The following CLCC1 variants were observed in gnomAD, a reference collection of about 807,000 sequenced individuals.
CLCC1 encodes chloride channel CLIC-like protein 1.
In CLCC1, 39 loss-of-function variants were observed where a neutral mutation model predicts 63.3. The ratio of observed to expected loss-of-function variants is 0.62; its 90% CI spans 0.48 to 0.81. The LOEUF (loss-of-function observed/expected upper bound fraction) is 0.81, where lower values mean the gene tolerates loss of function less well. CLCC1 is among the 30% of genes least tolerant of loss of function. CLCC1 has a pLI of 0.00. For synonymous variants in CLCC1, 217 were observed against 239.8 expected (o/e 0.90, Z 0.88); for missense variants, 549 against 669.4 (o/e 0.82, Z 1.98).
intron 2 of CLCC1, among the ~76,000 whole-genome samples, chr1:108,959,446 C>G (rs1240892137): frequency 6.6e-6 from 1 of 152,050 alleles, no homozygotes; most frequent in East Asian, 1.9e-4. Context: ...TGAAATTGTA[C>G]AGGAGGAGAA....
At chr1:108,949,724 G>A (rs896731807) in intron 4 of CLCC1, 96 bp downstream of exon 4, 116 of 661,138 alleles carry the variant, frequency 1.8e-4, no homozygotes, top group Middle Eastern at 4.3e-4. Flanking sequence ...TACGGTACAC[G>A]GAAACACTAG....
chr1:108,944,775 G>A (rs1028875309), intron 5 of CLCC1, among the ~76,000 whole-genome samples: 2 of 152,046 alleles, frequency 1.3e-5, no homozygotes, highest in Admixed American at 1.3e-4. Flanking sequence ...GACTACAGGT[G>A]CCCGCCACTA....
chr1:108,938,718 C>G (rs1653370377), intron 10 of CLCC1, among the ~76,000 whole-genome samples: 1 of 152,178 alleles, frequency 6.6e-6, no homozygotes, highest in African/African-American at 2.4e-5. Flanking sequence ...CTTTCTGGTT[C>G]TGTGTCAAAC....
At position 108,929,703 on chromosome 1, in the gene CLCC1, A is replaced by G; in HGVS notation, c.*2844T>C. On this transcript the variant is annotated 3_prime_UTR_variant, in exon 13 of 13. Transcript: ENST00000369969. ...TAATCTCTCTCATAAACTTCTAGGG[A>G]TCCAGATTAGATGATCAAAGATGTG... 1 of 1,613,202 alleles carries G rather than the reference A, an allele frequency of 6.2e-7. No individual in the cohort carries two copies. The highest frequency in any genetic ancestry group is 8.5e-7 in the Non-Finnish European group (1 of 1,179,310).
At position 108,943,657 on chromosome 1, in the gene CLCC1, T is replaced by C. The variant is rs372323458; in HGVS notation, c.562-42A>G. ...GCAGAAATCAGCCACCAAAAACACT[T>C]AAGACAGCTAAAAAGAACTGGACTC... is the stretch of plus-strand genomic sequence containing the variant. On this transcript the variant is annotated intron_variant, in intron 6 of 12. Coordinates refer to ENST00000369969, the MANE Select transcript of CLCC1 (RefSeq NM_001377458.1). 3.1e-5 allele frequency: 49 copies of C among 1,605,450 alleles called. No homozygotes were observed. The African/African-American group carries it at 5.4e-4, about 18-fold the overall frequency.
chr1:108,963,419 A>G lies in CLCC1; in HGVS notation c.-231T>C, dbSNP rs1332266791. ...CACCTGCCCAGGCCGGCCGCAGAAG[A>G]GGTCGCACAGCTTGCCGCCGCCCAG... On this transcript the variant is annotated 5_prime_UTR_variant, in exon 1 of 13. Transcript: ENST00000369969. 3 of 702,414 alleles carry G rather than the reference A, an allele frequency of 4.3e-6. No individual in the cohort carries two copies. The highest frequency in any genetic ancestry group is 5.2e-6 in the Non-Finnish European group (2 of 384,876). 43.5% of individuals were successfully genotyped at this position (702,414 alleles called of 1,614,324 possible). A position where few individuals can be genotyped will look rare whatever the true frequency, so the allele number is the denominator to read the frequency against.
At chr1:108,939,078 C>T (rs1653423432) in intron 10 of CLCC1, among the ~76,000 whole-genome samples, 1 of 150,886 alleles carries the variant, frequency 6.6e-6, no homozygotes, top group Admixed American at 6.6e-5. Flanking sequence ...GCCTTTTTTT[C>T]TGTAAATCTT....
chr1:108,937,398 T>C lies in CLCC1; in HGVS notation c.1062A>G (p.Gly354=), dbSNP rs1300946701. 2.5e-6 allele frequency: 4 copies of C among 1,604,794 alleles called. No homozygotes were observed. The South Asian group carries it at 4.5e-5, about 18-fold the overall frequency. ...TATGTCTCAGCACATGAACTGATTTTCCAGCACCATAGCAGAAACTCTGTA... is the reference window on the plus strand; with the variant it reads ...TATGTCTCAGCACATGAACTGATTTCCCAGCACCATAGCAGAAACTCTGTA... ...LAILSFCYGA[G]KSVHVLRHIG... The change falls in exon 11 of 13, where the codon GGA becomes GGG. Residue 354 remains glycine (G), a synonymous_variant. Coordinates refer to ENST00000369969, the MANE Select transcript of CLCC1 (RefSeq NM_001377458.1).
At position 108,929,891 on chromosome 1, in the gene CLCC1, A is replaced by G. The variant is rs772254021; in HGVS notation, c.*2656T>C. ...GGGCTAAAGGACTTTTTGCAAAATA[A>G]TGCTTTGTTGGAGTTTAAAAATTCA... On this transcript the variant is annotated 3_prime_UTR_variant, in exon 13 of 13. Coordinates refer to ENST00000369969, the MANE Select transcript of CLCC1 (RefSeq NM_001377458.1). 2.5e-6 allele frequency: 4 copies of G among 1,613,840 alleles called. No homozygotes were observed. The highest frequency in any genetic ancestry group is 4.5e-5 in the East Asian group (2 of 44,874).
At position 108,929,920 on chromosome 1, in the gene CLCC1, A is replaced by G. The variant is rs759753373; in HGVS notation, c.*2627T>C. ...TTTGTTGGAGTTTAAAAATTCAGGG[A>G]AAAAATCGGCAGACCATTAGTTACT... On this transcript the variant is annotated 3_prime_UTR_variant, in exon 13 of 13. Coordinates refer to ENST00000369969, the MANE Select transcript of CLCC1 (RefSeq NM_001377458.1). 2 of 1,613,502 alleles carry G rather than the reference A, an allele frequency of 1.2e-6. No individual in the cohort carries two copies. Among genetic ancestry groups the G allele is most frequent in the East Asian group, 2.2e-5 (1 of 44,864 alleles).
At chr1:108,947,364 A>G (rs566074948) in intron 5 of CLCC1, among the ~76,000 whole-genome samples, 10 of 152,312 alleles carry the variant, frequency 6.6e-5, no homozygotes, top group African/African-American at 2.2e-4. Context: ...AGCAGTGCAC[A>G]GAGCTGAGTA....
chr1:108,934,281 G>C lies in CLCC1; in HGVS notation c.*45+344C>G, dbSNP rs567648797. On this transcript the variant is annotated intron_variant, in intron 12 of 12. Transcript: ENST00000369969. The stretch of plus-strand genomic sequence containing the variant: ...CATCAAGTGGGTGGCCTTAACTCTA[G>C]TGGATTCACTAGGCAATGTAAATTG... 2.2e-5 allele frequency: 4 copies of C among 184,290 alleles called. No individual in the cohort carries two copies. In the South Asian group the frequency reaches 5.0e-4, roughly 23 times the overall value. 11.4% of individuals were successfully genotyped at this position (184,290 alleles called of 1,614,324 possible). A position where few individuals can be genotyped will look rare whatever the true frequency, so the allele number is the denominator to read the frequency against.
chr1:108,944,487 A>G (rs1234733096), intron 5 of CLCC1, among the ~76,000 whole-genome samples: 3 of 152,112 alleles, frequency 2.0e-5, no homozygotes, highest in Non-Finnish European at 4.4e-5. Context: ...AAAAATAATA[A>G]TAATATCCAC....
chr1:108,954,544 GA>G (rs1655620800), intron 2 of CLCC1, among the ~76,000 whole-genome samples: 3 of 150,992 alleles, frequency 2.0e-5, no homozygotes, highest in Admixed American at 2.0e-4. Context: ...AAGCGCACAG[GA>G]GGAGGAAAAC....
chr1:108,945,810 A>C (rs1654459980), intron 5 of CLCC1, among the ~76,000 whole-genome samples: 1 of 152,232 alleles, frequency 6.6e-6, no homozygotes, highest in Non-Finnish European at 1.5e-5. Context: ...AAAATCACTA[A>C]ACAAATTTTG....
chr1:108,937,356 G>A lies in CLCC1; in HGVS notation c.1104C>T (p.Ser368=), dbSNP rs168107. ...HVLRHIGGPE[S]EPPQALRPRD... is the part of the protein sequence containing the mutation. ...GTGGCCGAAGTGCCTGGGGAGGTTCGCTCTCAGGACCGCCTATATGTCTCA... is the reference window on the plus strand; with the variant it reads ...GTGGCCGAAGTGCCTGGGGAGGTTCACTCTCAGGACCGCCTATATGTCTCA... Residue 368 remains serine (S), a synonymous_variant, in exon 11 of 13, where the codon AGC becomes AGT. Transcript: ENST00000369969. The A allele has an allele frequency of 2.5e-6, 4 of 1,613,750 alleles. No homozygotes were observed. Among genetic ancestry groups the A allele is most frequent in the African/African-American group, 1.3e-5 (1 of 74,830 alleles).
chr1:108,934,847 C>T lies in CLCC1; in HGVS notation c.1479G>A (p.Ser493=), dbSNP rs1238945398. 20 of 1,614,082 alleles carry T rather than the reference C, an allele frequency of 1.2e-5. No individual in the cohort carries two copies. The highest frequency in any genetic ancestry group is 1.7e-5 in the Admixed American group (1 of 60,004). Residue 493 remains serine (S), a synonymous_variant, in exon 12 of 13, where the codon TCG becomes TCA. Coordinates refer to ENST00000369969, the MANE Select transcript of CLCC1 (RefSeq NM_001377458.1). ...TGTCTTGGCCAGAGACAGGCTTGGC[C>T]GACTGGCTGCTTTCAGTACTGCTTT... ...PKESSTESSQ[S]AKPVSGQDTS...
intron 11 of CLCC1, 78 bp downstream of exon 11, chr1:108,936,999 A>T (rs1359425327): frequency 3.8e-6 from 4 of 1,065,616 alleles, no homozygotes; most frequent in Non-Finnish European, 5.1e-6. Context: ...GTAAAAGAGT[A>T]AAAACAATCA....
intron 11 of CLCC1, among the ~76,000 whole-genome samples, chr1:108,936,271 A>G (rs998453665): frequency 6.6e-6 from 1 of 151,762 alleles, no homozygotes; most frequent in African/African-American, 2.4e-5. Context: ...ATTTTCTTGT[A>G]TTTTCAGTAG....
Sources: gnomAD v4.1 joint callset for allele counts (sites outside exome capture counted in the v4.1 genomes callset) on GRCh38, gnomAD v4.1.1 for gene constraint, MANE v1.5 for transcripts, NCBI Gene and HGNC (gene_info 2026-07-23, HGNC 2026-07-21) for gene names.